The following GALNTL6 variants were observed in gnomAD, a reference collection of about 807,000 sequenced individuals.
The protein encoded by GALNTL6 is polypeptide N-acetylgalactosaminyltransferase like 6, also known as polypeptide N-acetylgalactosaminyltransferase-like 6.
A neutral mutation model predicts 73.7 loss-of-function variants in GALNTL6; 46 were observed. The ratio of observed to expected loss-of-function variants is 0.62; its 90% CI spans 0.49 to 0.80. The LOEUF is 0.80. GALNTL6 is among the 30% of genes least tolerant of loss of function. GALNTL6 has a pLI of 0.00. For missense variants in GALNTL6, 604 were observed against 755.0 expected (o/e 0.80, Z 2.34); for synonymous variants, 259 against 263.7 (o/e 0.98, Z 0.17).
chr4:172,108,786 C>T (rs1317994748), intron 2 of GALNTL6, among the ~76,000 whole-genome samples: 4 of 151,706 alleles, frequency 2.6e-5, no homozygotes, highest in Non-Finnish European at 4.4e-5. Context: ...CTGAGGCAGG[C>T]GGAACACCTG....
intron 3 of GALNTL6, among the ~76,000 whole-genome samples, chr4:172,258,068 T>A (rs1174462947): frequency 6.6e-6 from 1 of 151,310 alleles, no homozygotes; most frequent in Non-Finnish European, 1.5e-5. Flanking sequence ...AAGTTGATAT[T>A]CTATAATCAT....
chr4:172,059,483 C>T (rs1208476565), intron 2 of GALNTL6, among the ~76,000 whole-genome samples: 1 of 151,986 alleles, frequency 6.6e-6, no homozygotes, highest in Non-Finnish European at 1.5e-5. Flanking sequence ...TGGAAGAATC[C>T]TGTGACTTGA....
intron 2 of GALNTL6, among the ~76,000 whole-genome samples, chr4:171,988,540 T>C (rs1560873510): frequency 6.6e-6 from 1 of 152,040 alleles, no homozygotes; most frequent in Admixed American, 6.5e-5. Context: ...TAGTGGATTG[T>C]GGAGGGAGGT....
chr4:172,546,271 T>C (rs1735746000), intron 5 of GALNTL6, among the ~76,000 whole-genome samples: 1 of 152,284 alleles, frequency 6.6e-6, no homozygotes, highest in East Asian at 1.9e-4. Context: ...GATTTACTTA[T>C]CTATTTAACA....
intron 2 of GALNTL6, among the ~76,000 whole-genome samples, chr4:171,958,691 T>C (rs915187625): frequency 1.3e-5 from 2 of 152,110 alleles, no homozygotes; most frequent in African/African-American, 4.8e-5. Flanking sequence ...AATCACATAA[T>C]TGCAATTAAT....
intron 5 of GALNTL6, among the ~76,000 whole-genome samples, chr4:172,603,613 AAAAT>A (rs1231766067): frequency 6.6e-6 from 1 of 152,254 alleles, no homozygotes; most frequent in African/African-American, 2.4e-5. Context: ...CATAGATTAA[AAAAT>A]AAATAAATAA....
intron 2 of GALNTL6, among the ~76,000 whole-genome samples, chr4:172,114,266 T>A (rs1382454125): frequency 6.6e-6 from 1 of 152,052 alleles, no homozygotes; most frequent in Admixed American, 6.6e-5. Flanking sequence ...AAAGATGCTG[T>A]TTTATGCAAG....
At chr4:172,038,244 A>T (rs1293541732) in intron 2 of GALNTL6, among the ~76,000 whole-genome samples, 1 of 152,066 alleles carries the variant, frequency 6.6e-6, no homozygotes, top group African/African-American at 2.4e-5. Context: ...CCTGATATAC[A>T]CACATATTTT....
At chr4:172,177,624 GTACAAATAGATATCATTT>G (rs2110839779) in intron 2 of GALNTL6, among the ~76,000 whole-genome samples, 1 of 151,414 alleles carries the variant, frequency 6.6e-6, no homozygotes, top group East Asian at 2.0e-4. Flanking sequence ...CAAAGAAAGG[GTACAAATAGATATCATTT>G]TATATTCTCA....
intron 2 of GALNTL6, among the ~76,000 whole-genome samples, chr4:172,023,814 A>G (rs924567359): frequency 6.6e-6 from 1 of 151,890 alleles, no homozygotes; most frequent in Non-Finnish European, 1.5e-5. Context: ...ATGTAAATAC[A>G]TGGAGTTGTT....
rs535823090 is a variant in GALNTL6 at position 171,907,473 on chromosome 4, C to T, written c.138+92755C>T. ...GACCTCTTCAAGGAGAACTACAAACCACTGCTCAATGAAACAAAAGAGGAT... is the reference window on the plus strand; with the variant it reads ...GACCTCTTCAAGGAGAACTACAAACTACTGCTCAATGAAACAAAAGAGGAT... On this transcript the variant is annotated intron_variant, in intron 2 of 12. Transcript: ENST00000506823. Among the ~76,000 whole-genome samples, 13 of 151,282 alleles carry T rather than the reference C, an allele frequency of 8.6e-5. No individual in the cohort carries two copies. The South Asian group carries it at 2.5e-3, about 29-fold the overall frequency.
intron 2 of GALNTL6, among the ~76,000 whole-genome samples, chr4:172,047,680 T>C (rs1742260565): frequency 6.6e-6 from 1 of 152,184 alleles, no homozygotes; most frequent in East Asian, 1.9e-4. Flanking sequence ...ATCATGAAGT[T>C]CCAAAATACA....
At position 172,372,681 on chromosome 4, in the gene GALNTL6, A is replaced by G. The variant is rs2111261754; in HGVS notation, c.553+23992A>G. On this transcript the variant is annotated intron_variant, in intron 5 of 12. Transcript: ENST00000506823. The stretch of plus-strand genomic sequence containing the variant: ...AGGCTTAAAGCAAAGCTGAAGTTTG[A>G]ACTAGGGCCTGCTTTAAGGTTTTGA... Among the ~76,000 whole-genome samples the G allele has an allele frequency of 2.0e-5, 3 of 152,246 alleles. No individual in the cohort carries two copies. The Middle Eastern group carries it at 0.01, about 518-fold the overall frequency.
At chr4:172,331,065 C>T (rs1178019183) in intron 4 of GALNTL6, among the ~76,000 whole-genome samples, 1 of 151,904 alleles carries the variant, frequency 6.6e-6, no homozygotes, top group Non-Finnish European at 1.5e-5. Context: ...ATAAAGAAAA[C>T]AGCACTAATA....
chr4:172,660,560 T>C (rs1461335492), intron 5 of GALNTL6, among the ~76,000 whole-genome samples: 1 of 152,204 alleles, frequency 6.6e-6, no homozygotes, highest in Non-Finnish European at 1.5e-5. Flanking sequence ...GGCTGGCCTT[T>C]TTAGTACTGG....
At chr4:172,773,633 G>A (rs909422025) in intron 5 of GALNTL6, among the ~76,000 whole-genome samples, 1 of 149,158 alleles carries the variant, frequency 6.7e-6, no homozygotes, top group Non-Finnish European at 1.5e-5. Flanking sequence ...TTTTTGTGCT[G>A]TTAATAAATG....
chr4:172,219,510 A>C lies in GALNTL6; in HGVS notation c.139-10146A>C, dbSNP rs1392558254. Among the ~76,000 whole-genome samples the C allele has an allele frequency of 6.6e-5, 10 of 151,900 alleles. No homozygotes were observed. In the East Asian group the frequency reaches 9.6e-4, roughly 15 times the overall value. On this transcript the variant is annotated intron_variant, in intron 2 of 12. Transcript: ENST00000506823. ...TTGATGGCAAGCTATAATTATAATA[A>C]TCGAAGTTGTTTTCCCGTAAGTAAA...
chr4:171,902,938 C>G (rs763152899), intron 2 of GALNTL6, among the ~76,000 whole-genome samples: 12 of 152,088 alleles, frequency 7.9e-5, no homozygotes, highest in Non-Finnish European at 1.3e-4. Flanking sequence ...TATTTTACCA[C>G]AGTAGGGAGG....
intron 5 of GALNTL6, among the ~76,000 whole-genome samples, chr4:172,487,342 CTTT>C (rs1561106909): frequency 1.4e-4 from 18 of 126,970 alleles, no homozygotes; most frequent in African/African-American, 5.2e-4. Context: ...TTCTTTCTTT[CTTT>C]CTTTCTTTCT....
Sources: gnomAD v4.1 joint callset for allele counts (sites outside exome capture counted in the v4.1 genomes callset) on GRCh38, gnomAD v4.1.1 for gene constraint, MANE v1.5 for transcripts, NCBI Gene and HGNC (gene_info 2026-07-23, HGNC 2026-07-21) for gene names.